The following PIWIL2 variants were observed in gnomAD, a reference collection of about 807,000 sequenced individuals.
The protein encoded by PIWIL2 is piwi-like protein 2.
In PIWIL2, 81 loss-of-function variants were observed where a neutral mutation model predicts 116.5. The observed-to-expected ratio is 0.70, with a 90% CI of 0.58 to 0.84. The LOEUF is 0.84. PIWIL2 is among the 40% of genes least tolerant of loss of function. The probability of loss-of-function intolerance (pLI) is 0.00; values close to 1 mark genes in which losing one functional copy is unlikely to be tolerated. For missense variants in PIWIL2, 1,272 were observed against 1,212.3 expected (o/e 1.05, Z -0.73); for synonymous variants, 489 against 429.5 (o/e 1.14, Z -1.71).
At position 22,353,136 on chromosome 8, in the gene PIWIL2, T is replaced by TATCTGG. The variant is rs751143839; in HGVS notation, c.2582_2587dup (p.Leu862_Ala863insAspLeu). On this transcript the variant is annotated inframe_insertion, in exon 21 of 23. Coordinates refer to ENST00000356766, the MANE Select transcript of PIWIL2 (RefSeq NM_018068.5). The stretch of plus-strand genomic sequence containing the variant: ...TCAGAAGAAAATCAGTACTAATCTA[T>TATCTGG]ATCTGGCTGCTCCTCAGAACTTTGT... 3 of 1,613,866 alleles carry TATCTGG rather than the reference T, an allele frequency of 1.9e-6. No homozygotes were observed. In the African/African-American group the frequency reaches 4.0e-5, roughly 22 times the overall value.
At chr8:22,297,912 A>G (rs1830950489) in intron 10 of PIWIL2, among the ~76,000 whole-genome samples, 1 of 152,206 alleles carries the variant, frequency 6.6e-6, no homozygotes, top group South Asian at 2.1e-4. Context: ...TCCGGAACAA[A>G]CAAAAATGCC....
chr8:22,337,911 T>C (rs983782393), intron 20 of PIWIL2, among the ~76,000 whole-genome samples: 8 of 151,880 alleles, frequency 5.3e-5, no homozygotes, highest in African/African-American at 1.9e-4. Flanking sequence ...CTCGCCAACA[T>C]GGCAAAACCC....
intron 16 of PIWIL2, among the ~76,000 whole-genome samples, chr8:22,312,890 C>T (rs749198546): frequency 6.6e-5 from 10 of 152,192 alleles, no homozygotes; most frequent in Non-Finnish European, 1.2e-4. Context: ...GTCCTCCCAC[C>T]TCCACCTCCC....
At chr8:22,333,561 A>C (rs371144675) in intron 20 of PIWIL2, among the ~76,000 whole-genome samples, 5 of 152,172 alleles carry the variant, frequency 3.3e-5, no homozygotes, top group African/African-American at 1.2e-4. Flanking sequence ...GCGGTGAGCC[A>C]ATATCACGCC....
At chr8:22,320,959 C>G (rs1831584319) in intron 20 of PIWIL2, among the ~76,000 whole-genome samples, 2 of 152,158 alleles carry the variant, frequency 1.3e-5, no homozygotes, top group African/African-American at 4.8e-5. Flanking sequence ...CCTTTTCCAT[C>G]TCTTACACTA....
chr8:22,305,013 A>C, intron 12 of PIWIL2, 145 bp downstream of exon 12: 2 of 637,358 alleles, frequency 3.1e-6, no homozygotes, highest in Non-Finnish European at 2.9e-6. Flanking sequence ...TGTCTGTCTC[A>C]TCCAGCCAGA....
chr8:22,286,191 G>T (rs1830624774), intron 6 of PIWIL2, among the ~76,000 whole-genome samples: 1 of 152,000 alleles, frequency 6.6e-6, no homozygotes, highest in Non-Finnish European at 1.5e-5. Flanking sequence ...TGTTGAGGGT[G>T]TTGTGATCTT....
At chr8:22,284,133 T>C (rs755027937) in intron 5 of PIWIL2, 29 bp from the exon 6 acceptor site, 1 of 1,221,850 alleles carries the variant, frequency 8.2e-7, no homozygotes, top group Non-Finnish European at 1.2e-6. Flanking sequence ...TTTTGATATA[T>C]GCAGTTGCTT....
In PIWIL2 at chr8:22,353,183, G is replaced by A. The variant is rs771465988; in HGVS notation, c.2628G>A (p.Val876=). ...TTGTAACTCCCACTCCTGGAACTGT[G>A]GTAGATCATACAATAACAAGCTGTG... ...QNFVTPTPGT[V]VDHTITSCEW... The change falls in exon 21 of 23, where the codon GTG becomes GTA. Residue 876 remains valine, a synonymous_variant. Coordinates refer to ENST00000356766, the MANE Select transcript of PIWIL2 (RefSeq NM_018068.5). The A allele has an allele frequency of 5.0e-6, 8 of 1,613,468 alleles. No individual in the cohort carries two copies. The highest frequency in any genetic ancestry group is 6.8e-6 in the Non-Finnish European group (8 of 1,179,600).
intron 13 of PIWIL2, among the ~76,000 whole-genome samples, 185 bp downstream of exon 13, chr8:22,306,201 C>CA (rs1831173991): frequency 6.6e-6 from 1 of 152,220 alleles, no homozygotes; most frequent in Non-Finnish European, 1.5e-5. Context: ...CCTTCCCACA[C>CA]ACGATGTGAA....
intron 20 of PIWIL2, among the ~76,000 whole-genome samples, chr8:22,328,239 A>C (rs1236002211): frequency 6.6e-6 from 1 of 152,140 alleles, no homozygotes; most frequent in Non-Finnish European, 1.5e-5. Context: ...ATCAATTGTC[A>C]TGGATGTTTG....
At chr8:22,303,897 C>T (rs962709767) in intron 10 of PIWIL2, 124 bp from the exon 11 acceptor site, 30 of 521,768 alleles carry the variant, frequency 5.7e-5, no homozygotes, top group African/African-American at 5.3e-4. Context: ...CATCTTTTAA[C>T]ACAACTGGAG....
At chr8:22,296,924 T>C (rs1160198990) in intron 10 of PIWIL2, among the ~76,000 whole-genome samples, 1 of 151,416 alleles carries the variant, frequency 6.6e-6, no homozygotes, top group Non-Finnish European at 1.5e-5. Context: ...CTTAAAATTC[T>C]GGATTTGGCA....
chr8:22,313,547 C>T (rs1397614947), intron 16 of PIWIL2, among the ~76,000 whole-genome samples: 2 of 152,204 alleles, frequency 1.3e-5, no homozygotes, highest in Non-Finnish European at 2.9e-5. Context: ...GTTCTCATGC[C>T]TTTGGAAATG....
chr8:22,334,277 G>A (rs914743698), intron 20 of PIWIL2, among the ~76,000 whole-genome samples: 3 of 151,736 alleles, frequency 2.0e-5, no homozygotes, highest in African/African-American at 2.4e-5. Flanking sequence ...GCCTGGCCCT[G>A]GGTACAAGGT....
chr8:22,327,693 C>G (rs1831759601), intron 20 of PIWIL2, among the ~76,000 whole-genome samples: 1 of 152,066 alleles, frequency 6.6e-6, no homozygotes, highest in Non-Finnish European at 1.5e-5. Flanking sequence ...TGAAGTATCT[C>G]ATTGTGGTTT....
intron 14 of PIWIL2, 121 bp from the exon 15 acceptor site, chr8:22,309,840 A>G: frequency 1.7e-6 from 1 of 581,322 alleles, no homozygotes; most frequent in Non-Finnish European, 3.2e-6. Context: ...GCTAGTCTCA[A>G]AAGTTCTAAC....
chr8:22,314,865 G>GC (rs1831418390), intron 17 of PIWIL2, among the ~76,000 whole-genome samples, 164 bp from the exon 18 acceptor site: 1 of 151,942 alleles, frequency 6.6e-6, no homozygotes, highest in Non-Finnish European at 1.5e-5. Context: ...TTGCCCATGT[G>GC]CATGCATGCC....
intron 18 of PIWIL2, among the ~76,000 whole-genome samples, chr8:22,315,999 C>G (rs895337131): frequency 2.1e-4 from 32 of 152,190 alleles, no homozygotes; most frequent in African/African-American, 7.7e-4. Context: ...CTACAGAAAT[C>G]ATAAGACTCA....
Sources: allele counts gnomAD v4.1 joint callset (sites outside exome capture counted in the v4.1 genomes callset), GRCh38; gene constraint gnomAD v4.1.1; transcripts MANE v1.5; gene names NCBI Gene and HGNC (gene_info 2026-07-23, HGNC 2026-07-21).